BIN2: variants seen among roughly 807,000 people sequenced by gnomAD.
BIN2 encodes bridging integrator 2.
BIN2 carries 43 observed loss-of-function variants against 67.9 expected under a neutral mutation model. That is an observed-to-expected ratio of 0.63 (90% CI 0.50 to 0.82). The LOEUF is 0.82. Ranked by LOEUF, BIN2 falls within the 40% of genes least tolerant of loss-of-function variation. The probability of loss-of-function intolerance (pLI) is 0.00; values close to 1 mark genes in which losing one functional copy is unlikely to be tolerated. For missense variants in BIN2, 581 were observed against 671.6 expected, an observed-to-expected ratio of 0.87 and a Z score of 1.49; for synonymous variants, 244 against 246.8, an observed-to-expected ratio of 0.99 and a Z score of 0.11.
chr12:51,313,533 G>A (rs1055600260), intron 2 of BIN2, among the ~76,000 whole-genome samples: 3 of 151,864 alleles, frequency 2.0e-5, no homozygotes, highest in African/African-American at 7.3e-5. Context: ...TACAGACGGG[G>A]TTTCATCATG....
At chr12:51,286,266 G>A (rs1945233662) in intron 11 of BIN2, among the ~76,000 whole-genome samples, 1 of 152,184 alleles carries the variant, frequency 6.6e-6, no homozygotes, top group African/African-American at 2.4e-5. Context: ...GGCTTCAGAG[G>A]ATTGATGACA....
Position 51,294,917 on chromosome 12 carries a change from T to C in BIN2, c.761+879A>G, listed in dbSNP as rs191539560. ...GTATTATTCTTTATACGTTCGGTTATGTCTAAAATATTTAATTTTTATTAA... is the reference window on the plus strand; with the variant it reads ...GTATTATTCTTTATACGTTCGGTTACGTCTAAAATATTTAATTTTTATTAA... On this transcript the variant is annotated intron_variant, in intron 9 of 12. Transcript: ENST00000615107. Among the ~76,000 whole-genome samples the C allele has an allele frequency of 5.9e-5, 9 of 152,278 alleles. No homozygotes were observed. In the East Asian group the frequency reaches 1.4e-3, roughly 23 times the overall value.
chr12:51,313,615 A>G (rs1287600980), intron 2 of BIN2, among the ~76,000 whole-genome samples: 1 of 152,102 alleles, frequency 6.6e-6, no homozygotes, highest in Admixed American at 6.5e-5. Flanking sequence ...TGTTGGGATT[A>G]TAGGGGTGAT....
At chr12:51,303,741 C>T (rs908164528) in intron 2 of BIN2, among the ~76,000 whole-genome samples, 9 of 152,074 alleles carry the variant, frequency 5.9e-5, no homozygotes, top group African/African-American at 2.2e-4. Flanking sequence ...GCTAGGAACC[C>T]CAAGTTCAGA....
intron 9 of BIN2, among the ~76,000 whole-genome samples, chr12:51,295,093 C>G (rs1010988933): frequency 6.6e-6 from 1 of 151,932 alleles, no homozygotes; most frequent in Non-Finnish European, 1.5e-5. Flanking sequence ...CCACCTTGCC[C>G]GGCTAATTTT....
At chr12:51,304,322 T>C (rs947521477) in intron 2 of BIN2, 1 of 152,298 alleles carries the variant, frequency 6.6e-6, no homozygotes, top group African/African-American at 2.4e-5. Context: ...ATCTAATTTC[T>C]CTTCCACACA....
At chr12:51,310,404 A>C (rs1381641008) in intron 2 of BIN2, among the ~76,000 whole-genome samples, 1 of 152,236 alleles carries the variant, frequency 6.6e-6, no homozygotes, top group African/African-American at 2.4e-5. Context: ...TGAGTTGCTG[A>C]TTTAAACAAA....
At chr12:51,296,787 C>A (rs1945578537) in intron 8 of BIN2, among the ~76,000 whole-genome samples, 1 of 152,180 alleles carries the variant, frequency 6.6e-6, no homozygotes, top group Admixed American at 6.6e-5. Context: ...ATAGATATTT[C>A]ACAATGGGGT....
At chr12:51,324,309 C>A, upstream of BIN2, 1 of 1,366,938 alleles carries the variant, frequency 7.3e-7, no homozygotes, top group South Asian at 1.5e-5. Flanking sequence ...GGGCCCGGGG[C>A]CTACCCTCAG....
chr12:51,324,192 C>A, upstream of BIN2: 1 of 1,542,364 alleles, frequency 6.5e-7, no homozygotes, highest in Admixed American at 1.9e-5. Flanking sequence ...CCCGGCATGC[C>A]TCGCATCCGG....
chr12:51,299,813 A>T, intron 5 of BIN2, 99 bp from the exon 6 acceptor site: 1 of 1,040,674 alleles, frequency 9.6e-7, no homozygotes, highest in Non-Finnish European at 1.5e-6. Context: ...CTTGCATCCT[A>T]CTATCAAATT....
intron 2 of BIN2, among the ~76,000 whole-genome samples, chr12:51,311,747 G>T (rs1000882586): frequency 6.6e-6 from 1 of 151,648 alleles, no homozygotes; most frequent in African/African-American, 2.4e-5. Context: ...TTTTAAAAGA[G>T]TTCTATTTTT....
intron 11 of BIN2, among the ~76,000 whole-genome samples, chr12:51,285,300 C>G (rs1945207564): frequency 6.6e-6 from 1 of 152,004 alleles, no homozygotes; most frequent in Admixed American, 6.6e-5. Context: ...CCAGTCTAGA[C>G]CACGTGCAGG....
intron 1 of BIN2, among the ~76,000 whole-genome samples, chr12:51,314,528 G>T (rs938234248): frequency 6.6e-6 from 1 of 152,054 alleles, no homozygotes; most frequent in African/African-American, 2.4e-5. Flanking sequence ...GGCTGGGTGT[G>T]GTGGCTCACA....
intron 3 of BIN2, 77 bp downstream of exon 3, chr12:51,303,010 T>C: frequency 1.3e-6 from 2 of 1,489,408 alleles, no homozygotes; most frequent in Non-Finnish European, 1.9e-6. Flanking sequence ...CCTGGGGGTA[T>C]GGCTATTGTT....
At chr12:51,298,295 C>T (rs1012152654) in intron 7 of BIN2, among the ~76,000 whole-genome samples, 2 of 152,164 alleles carry the variant, frequency 1.3e-5, no homozygotes, top group Admixed American at 6.6e-5. Flanking sequence ...TCGCTTGAAT[C>T]CGGGAGGTGG....
At chr12:51,288,914 A>G (rs2137349617) in intron 10 of BIN2, among the ~76,000 whole-genome samples, 1 of 151,748 alleles carries the variant, frequency 6.6e-6, no homozygotes, top group Non-Finnish European at 1.5e-5. Flanking sequence ...ATGCCCAACA[A>G]ACTTTTTGTA....
At chr12:51,296,496 C>CAAA (rs200414380) in intron 8 of BIN2, among the ~76,000 whole-genome samples, 1 of 111,500 alleles carries the variant, frequency 9.0e-6, no homozygotes, top group Non-Finnish European at 1.9e-5. Context: ...GACTCCGTCT[C>CAAA]AAAAAAAAAA....
chr12:51,304,872 C>T (rs1192150069), intron 2 of BIN2, among the ~76,000 whole-genome samples: 1 of 151,632 alleles, frequency 6.6e-6, no homozygotes. Flanking sequence ...AAAAAATTAG[C>T]TGGGTGTGGT....
Sources: allele counts gnomAD v4.1 joint callset (sites outside exome capture counted in the v4.1 genomes callset), GRCh38; gene constraint gnomAD v4.1.1; transcripts MANE v1.5; gene names NCBI Gene and HGNC (gene_info 2026-07-23, HGNC 2026-07-21).